Variants in PLPPR1 observed in about 807,000 individuals in gnomAD.
PLPPR1 encodes the protein phospholipid phosphatase-related protein type 1.
In PLPPR1, 10 loss-of-function variants were observed where a neutral mutation model predicts 33.1. The ratio of observed to expected loss-of-function variants is 0.30; its 90% CI spans 0.19 to 0.51. The LOEUF is 0.51. Ranked by LOEUF, PLPPR1 falls within the 20% of genes least tolerant of loss-of-function variation. PLPPR1 has a pLI of 0.97. For missense variants in PLPPR1, 304 were observed against 408.1 expected (o/e 0.74, Z 2.20); for synonymous variants, 151 against 151.0 (o/e 1.00, Z 0.00).
At chr9:101,197,041 C>A (rs772969044) in intron 2 of PLPPR1, among the ~76,000 whole-genome samples, 2 of 152,160 alleles carry the variant, frequency 1.3e-5, no homozygotes, top group Non-Finnish European at 2.9e-5. Flanking sequence ...AAAACACCAG[C>A]ATCTATTGCT....
At chr9:101,174,224 C>T (rs1825987069) in intron 1 of PLPPR1, among the ~76,000 whole-genome samples, 1 of 152,144 alleles carries the variant, frequency 6.6e-6, no homozygotes, top group African/African-American at 2.4e-5. Flanking sequence ...AATTCTTGGG[C>T]TTACTTCGAA....
At chr9:101,089,478 G>A (rs10819892) in intron 1 of PLPPR1, among the ~76,000 whole-genome samples, 3,888 of 152,122 alleles carry the variant, frequency 0.026, 86 homozygotes, top group East Asian at 0.082. Flanking sequence ...GATAGAAATC[G>A]CCCACGCTTT....
chr9:101,093,986 C>T (rs949955070), intron 1 of PLPPR1, among the ~76,000 whole-genome samples: 4 of 152,174 alleles, frequency 2.6e-5, no homozygotes, highest in African/African-American at 9.7e-5. Context: ...TTACCTCTTA[C>T]CTCCCATCTG....
intron 2 of PLPPR1, among the ~76,000 whole-genome samples, chr9:101,202,423 G>A (rs148955237): frequency 6.6e-6 from 1 of 152,132 alleles, no homozygotes; most frequent in Non-Finnish European, 1.5e-5. Flanking sequence ...TAGAAGTCTA[G>A]TTATCCCTCC....
At chr9:101,151,672 C>G (rs1261736910) in intron 1 of PLPPR1, among the ~76,000 whole-genome samples, 1 of 152,192 alleles carries the variant, frequency 6.6e-6, no homozygotes, top group Non-Finnish European at 1.5e-5. Flanking sequence ...GGGATGGCAA[C>G]TATGTAGCAC....
chr9:101,315,970 T>C (rs1829043761), intron 6 of PLPPR1, among the ~76,000 whole-genome samples: 1 of 152,194 alleles, frequency 6.6e-6, no homozygotes, highest in Non-Finnish European at 1.5e-5. Flanking sequence ...AGACAGCTAA[T>C]CAAGTGCCCC....
intron 7 of PLPPR1, among the ~76,000 whole-genome samples, chr9:101,321,045 C>T (rs1290777062): frequency 6.6e-6 from 1 of 152,180 alleles, no homozygotes; most frequent in Admixed American, 6.5e-5. Flanking sequence ...AAATACCCCC[C>T]TGTGAGCAAG....
At chr9:101,194,417 A>G (rs12349128) in intron 2 of PLPPR1, among the ~76,000 whole-genome samples, 19,250 of 152,138 alleles carry the variant, frequency 0.13, 1,484 homozygotes, top group East Asian at 0.31. Flanking sequence ...CTAAGATTTG[A>G]ACAATTTTCT....
At chr9:101,057,444 G>T (rs114972821) in intron 1 of PLPPR1, among the ~76,000 whole-genome samples, 2,176 of 152,076 alleles carry the variant, frequency 0.014, 58 homozygotes, top group African/African-American at 0.05. Flanking sequence ...CATTATCAAG[G>T]TATATCATTC....
intron 1 of PLPPR1, among the ~76,000 whole-genome samples, chr9:101,085,979 CA>C (rs1307534492): frequency 6.6e-6 from 1 of 151,972 alleles, no homozygotes. Context: ...TGAGGTTAAC[CA>C]TGAATGTTTT....
chr9:101,314,965 A>G (rs1410082204), intron 6 of PLPPR1, among the ~76,000 whole-genome samples: 1 of 152,170 alleles, frequency 6.6e-6, no homozygotes, highest in African/African-American at 2.4e-5. Context: ...CGCCTTTTAA[A>G]AACATTTTAT....
chr9:101,073,009 A>G (rs942918279), intron 1 of PLPPR1, among the ~76,000 whole-genome samples: 2 of 152,224 alleles, frequency 1.3e-5, no homozygotes, highest in African/African-American at 4.8e-5. Flanking sequence ...GGGTGAGAAT[A>G]CACAAACTCA....
Position 101,228,355 on chromosome 9 carries a change from G to A in PLPPR1, c.64-41525G>A, listed in dbSNP as rs1827114569. On this transcript the variant is annotated intron_variant, in intron 2 of 7. Transcript: ENST00000374874. Reference sequence around the variant, plus strand: ...GTAGGGATGCAGTGGAACAAACACTGGATTTTAAAAGCAAAGCGTGAGGTC... The same window carrying A: ...GTAGGGATGCAGTGGAACAAACACTAGATTTTAAAAGCAAAGCGTGAGGTC... 2.0e-5 allele frequency among the ~76,000 whole-genome samples: 3 copies of A among 152,238 alleles called. No homozygotes were observed. In the South Asian group the frequency reaches 6.2e-4, roughly 32 times the overall value.
intron 2 of PLPPR1, among the ~76,000 whole-genome samples, chr9:101,207,758 T>C (rs1221117986): frequency 6.6e-6 from 1 of 152,184 alleles, no homozygotes; most frequent in Non-Finnish European, 1.5e-5. Context: ...GGAAGAAGAA[T>C]TCTGTGCCTC....
At chr9:101,257,212 T>G (rs759783184) in intron 2 of PLPPR1, among the ~76,000 whole-genome samples, 1 of 151,818 alleles carries the variant, frequency 6.6e-6, no homozygotes, top group Non-Finnish European at 1.5e-5. Flanking sequence ...CAGATACTTA[T>G]CTCTCTGTCT....
intron 4 of PLPPR1, among the ~76,000 whole-genome samples, chr9:101,294,031 G>A (rs1055410623): frequency 3.3e-4 from 50 of 152,058 alleles, no homozygotes; most frequent in Non-Finnish European, 5.6e-4. Flanking sequence ...TTTTTGAAAG[G>A]ATCAACAAAA....
chr9:101,152,420 A>G (rs111632868), intron 1 of PLPPR1, among the ~76,000 whole-genome samples: 1 of 152,114 alleles, frequency 6.6e-6, no homozygotes, highest in Admixed American at 6.6e-5. Flanking sequence ...CCATTTGTCA[A>G]TTTTGGCTTT....
intron 2 of PLPPR1, among the ~76,000 whole-genome samples, chr9:101,235,969 G>A (rs1212747689): frequency 6.6e-6 from 1 of 151,798 alleles, no homozygotes; most frequent in Non-Finnish European, 1.5e-5. Flanking sequence ...AGAACTATTT[G>A]ATTATAGTAA....
chr9:101,168,845 CT>C (rs1825898242), intron 1 of PLPPR1, among the ~76,000 whole-genome samples: 2 of 152,100 alleles, frequency 1.3e-5, no homozygotes, highest in African/African-American at 4.8e-5. Context: ...CATCTTAAGC[CT>C]TATGTATATT....
Sources: allele counts gnomAD v4.1 joint callset (sites outside exome capture counted in the v4.1 genomes callset), GRCh38; gene constraint gnomAD v4.1.1; transcripts MANE v1.5; gene names NCBI Gene and HGNC (gene_info 2026-07-23, HGNC 2026-07-21).